The following APOLD1 variants were observed in gnomAD, a reference collection of about 807,000 sequenced individuals.
APOLD1 encodes apolipoprotein L domain containing 1.
A neutral mutation model predicts 15.3 loss-of-function variants in APOLD1; 22 were observed. That is an observed-to-expected ratio of 1.44 (90% CI 1.03 to 2.05). The LOEUF (loss-of-function observed/expected upper bound fraction) is 2.05. Ranked by LOEUF, APOLD1 falls within the 30% of genes most tolerant of loss-of-function variation. The pLI is 0.00. For synonymous variants in APOLD1, 190 were observed against 167.4 expected (o/e 1.13, Z -1.04); for missense variants, 394 against 353.5 (o/e 1.11, Z -0.92).
intron 1 of APOLD1, among the ~76,000 whole-genome samples, chr12:12,730,860 G>A (rs11611726): frequency 0.088 from 13,296 of 151,926 alleles, 706 homozygotes; most frequent in South Asian, 0.14. Flanking sequence ...CAATCAAATT[G>A]GCCAGGCACA....
rs34629361 is a variant in APOLD1 at position 12,750,372 on chromosome 12, C to CAAAAAA, written c.96+24293_96+24298dup. 3.0e-3 allele frequency among the ~76,000 whole-genome samples: 228 copies of CAAAAAA among 75,114 alleles called. 2 individuals are homozygous for CAAAAAA. The highest frequency in any genetic ancestry group is 4.3e-3 in the Non-Finnish European group (171 of 39,474). The allele number at this position is 75,114 out of a possible 152,430, so 49.3% of individuals were successfully genotyped here. A position where few individuals can be genotyped will look rare whatever the true frequency, so the allele number is the denominator to read the frequency against. On this transcript the variant is annotated intron_variant, in intron 1 of 1. Coordinates refer to the APOLD1 transcript ENST00000326765. Reference sequence around the variant, plus strand: ...GGTCAACAAGAGTGAGACTCTGTCTCAAAAAAAAAAAAAAAAAAAAAAGGA... The same window carrying CAAAAAA: ...GGTCAACAAGAGTGAGACTCTGTCTCAAAAAAAAAAAAAAAAAAAAAAAAAAAAGGA...
At chr12:12,772,337 T>G (rs2136392773) in intron 1 of APOLD1, among the ~76,000 whole-genome samples, 1 of 152,328 alleles carries the variant, frequency 6.6e-6, no homozygotes, top group Non-Finnish European at 1.5e-5. Flanking sequence ...GAATTAGCTA[T>G]GCTTATGTCA....
chr12:12,748,326 C>T (rs1166132013), intron 1 of APOLD1, among the ~76,000 whole-genome samples: 1 of 152,108 alleles, frequency 6.6e-6, no homozygotes, highest in Admixed American at 6.5e-5. Flanking sequence ...TTGCACTATC[C>T]TTAAGGGCAA....
rs1394490762 is a variant in APOLD1, at chr12:12,791,387, GC to G, written c.*3736del. ...ATAAATGGGGATACAGTTAAATGTA[GC>G]AACTCTTGAGTTCATTTTTTCCCAC... On this transcript the variant is annotated 3_prime_UTR_variant, in exon 2 of 2. Coordinates refer to ENST00000356591, the MANE Select transcript of APOLD1 (RefSeq NM_030817.3). 2 of 152,274 alleles carry G rather than the reference GC, an allele frequency of 1.3e-5. No homozygotes were observed. The highest frequency in any genetic ancestry group is 1.3e-4 in the Admixed American group (2 of 15,292). 9.4% of individuals were successfully genotyped at this position (152,274 alleles called of 1,614,324 possible).
chr12:12,740,916 A>G (rs1220705494), intron 1 of APOLD1, among the ~76,000 whole-genome samples: 1 of 152,130 alleles, frequency 6.6e-6, no homozygotes, highest in Non-Finnish European at 1.5e-5. Context: ...GCAGGAGGCT[A>G]TTCAGTATTA....
upstream of APOLD1, among the ~76,000 whole-genome samples, chr12:12,783,034 C>T (rs900724778): frequency 8.6e-5 from 13 of 151,844 alleles, no homozygotes; most frequent in African/African-American, 2.2e-4. Flanking sequence ...GGCGAAACCC[C>T]GTCTCTACTA....
chr12:12,768,815 C>CTTT (rs1165060525), intron 1 of APOLD1, among the ~76,000 whole-genome samples: 1 of 144,404 alleles, frequency 6.9e-6, no homozygotes. Context: ...AGGTAGTTTA[C>CTTT]TTTTTTTTTT....
Position 12,787,278 on chromosome 12 carries a change from G to A in APOLD1, c.373G>A (p.Ala125Thr). The A allele has an allele frequency of 6.2e-7, 1 of 1,600,678 alleles. No homozygotes were observed. The highest frequency in any genetic ancestry group is 1.3e-5 in the African/African-American group (1 of 74,866). Residue 125 changes from alanine to threonine, a missense_variant, in exon 2 of 2, where the codon GCC becomes ACC. By Grantham distance (58) the Ala-to-Thr change is moderately conservative. Transcript: ENST00000356591. The surrounding 1 kb of genome is among the most constrained non-coding windows in gnomAD (Gnocchi z 4.9). The part of the protein sequence containing the change: ...RELRRVQEIA[A>T]TCQDQMREIL... Reference sequence around the variant, plus strand: ...GCTGCGGAGGGTGCAGGAGATCGCGGCCACCTGCCAGGACCAGATGCGAGA... The same window carrying A: ...GCTGCGGAGGGTGCAGGAGATCGCGACCACCTGCCAGGACCAGATGCGAGA...
chr12:12,789,948 A>G lies in APOLD1; in HGVS notation c.*2296A>G, dbSNP rs1280745740. 4.7e-5 allele frequency: 7 copies of G among 150,262 alleles called. No individual in the cohort carries two copies. The highest frequency in any genetic ancestry group is 3.3e-4 in the Admixed American group (5 of 15,072). 9.3% of individuals were successfully genotyped at this position (150,262 alleles called of 1,614,324 possible). A position where few individuals can be genotyped will look rare whatever the true frequency, so the allele number is the denominator to read the frequency against. On this transcript the variant is annotated 3_prime_UTR_variant, in exon 2 of 2. Coordinates refer to ENST00000356591, the MANE Select transcript of APOLD1 (RefSeq NM_030817.3). ...TATGCTGGTTTATTTTGAAATTTAT[A>G]TTGGTTTCTTTTCAAGCTGGTGTCA...
intron 1 of APOLD1, among the ~76,000 whole-genome samples, chr12:12,752,925 G>A (rs746298792): frequency 5.3e-5 from 8 of 152,094 alleles, no homozygotes; most frequent in African/African-American, 1.9e-4. Flanking sequence ...GTGATGAGTG[G>A]TATCTATCTC....
intron 1 of APOLD1, among the ~76,000 whole-genome samples, chr12:12,765,113 G>C (rs1484103670): frequency 2.0e-5 from 3 of 152,156 alleles, no homozygotes; most frequent in African/African-American, 4.8e-5. Flanking sequence ...TCCTGGTTCT[G>C]CAGGCTGTAT....
intron 1 of APOLD1, among the ~76,000 whole-genome samples, chr12:12,751,206 A>G (rs534094996): frequency 6.6e-6 from 1 of 152,212 alleles, no homozygotes; most frequent in East Asian, 1.9e-4. Flanking sequence ...GGGAAGGGTA[A>G]CGTCATGAAG....
In APOLD1 at chr12:12,787,448, C is replaced by T. The variant is rs1256853226; in HGVS notation, c.543C>T (p.Pro181=). Residue 181 remains proline, a synonymous_variant, in exon 2 of 2, where the codon CCC becomes CCT. Transcript: ENST00000356591. The surrounding 1 kb of genome is among the most constrained non-coding windows in gnomAD (Gnocchi z 4.9). ...TTGGCTCACGTGGCTTCCTCATCCCCAGGCGGGCGGAGGGGGACACCAAGG... is the reference window on the plus strand; with the variant it reads ...TTGGCTCACGTGGCTTCCTCATCCCTAGGCGGGCGGAGGGGGACACCAAGG... ...VFFGSRGFLI[P]RRAEGDTKVS... 6.2e-7 allele frequency: 1 copy of T among 1,614,090 alleles called. No homozygotes were observed. Among genetic ancestry groups the T allele is most frequent in the Non-Finnish European group, 8.5e-7 (1 of 1,180,034 alleles).
intron 1 of APOLD1, among the ~76,000 whole-genome samples, chr12:12,755,362 G>T (rs1357840793): frequency 6.6e-6 from 1 of 152,000 alleles, no homozygotes; most frequent in Non-Finnish European, 1.5e-5. Context: ...GTCTTGCGTA[G>T]GGCAAAAGGA....
At chr12:12,729,604 C>T (rs1592286664) in intron 1 of APOLD1, among the ~76,000 whole-genome samples, 1 of 151,706 alleles carries the variant, frequency 6.6e-6, no homozygotes, top group South Asian at 2.1e-4. Context: ...GCTTGGACAA[C>T]GTAGCAAGAC....
In APOLD1 at chr12:12,767,342, A is replaced by G. The variant is rs190171561; in HGVS notation, c.97-19567A>G. ...GGAGTTATTCAGAAAAATTAAAAAC[A>G]ACCGTACAATAATAAAAATAATACA... On this transcript the variant is annotated intron_variant, in intron 1 of 1. Transcript: ENST00000326765. Among the ~76,000 whole-genome samples the G allele has an allele frequency of 2.6e-3, 399 of 152,302 alleles. 1 individual carries two copies. The highest frequency in any genetic ancestry group is 0.017 in the Middle Eastern group (5 of 294).
chr12:12,764,584 A>G (rs1373487545), intron 1 of APOLD1: 2 of 318,850 alleles, frequency 6.3e-6, no homozygotes, highest in South Asian at 3.0e-5. Context: ...CTAACTTTCT[A>G]TATTTTAATT....
chr12:12,726,371 T>C (rs1202934738), intron 1 of APOLD1: 3 of 532,564 alleles, frequency 5.6e-6, no homozygotes, highest in Non-Finnish European at 1.0e-5. Flanking sequence ...CTTTGATTTC[T>C]GGGTACGGAA....
At chr12:12,782,283 AAACAAACAAAC>A (rs1947087310), upstream of APOLD1, among the ~76,000 whole-genome samples, 3 of 151,660 alleles carry the variant, frequency 2.0e-5, no homozygotes, top group Admixed American at 6.6e-5. Flanking sequence ...ACAAACAAAC[AAACAAACAAAC>A]ACTACCAGTT....
Sources: gnomAD v4.1 joint callset for allele counts (sites outside exome capture counted in the v4.1 genomes callset) on GRCh38, gnomAD v4.1.1 for gene constraint, Gnocchi (gnomAD v3.1) non-coding constraint, MANE v1.5 for transcripts, NCBI Gene and HGNC (gene_info 2026-07-23, HGNC 2026-07-21) for gene names.